CCR5AS: variants seen among roughly 807,000 people sequenced by gnomAD.
CCR5AS encodes the protein CCR5 antisense RNA.
At chr3:46,381,593 TA>T (rs1701817587) in intron 2 of CCR5AS, among the ~76,000 whole-genome samples, 1 of 152,180 alleles carries the variant, frequency 6.6e-6, no homozygotes, top group Admixed American at 6.5e-5. Context: ...TAATTAAGAT[TA>T]AAAATAAGAA....
intron 3 of CCR5AS, among the ~76,000 whole-genome samples, chr3:46,365,641 C>T (rs1701592088): frequency 6.6e-6 from 1 of 152,194 alleles, no homozygotes; most frequent in South Asian, 2.1e-4. Context: ...CAAGATGCCC[C>T]AGAGTGGCAG....
intron 1 of CCR5AS, among the ~76,000 whole-genome samples, chr3:46,393,470 AGAAAAG>A (rs1701933143): frequency 7.2e-6 from 1 of 139,256 alleles, no homozygotes; most frequent in African/African-American, 2.8e-5. Flanking sequence ...CAAAAAAAAA[AGAAAAG>A]AAAAGAAAAG....
At chr3:46,383,844 G>A (rs1157482703) in intron 2 of CCR5AS, among the ~76,000 whole-genome samples, 1 of 152,176 alleles carries the variant, frequency 6.6e-6, no homozygotes, top group Non-Finnish European at 1.5e-5. Context: ...ATTGAAGGAG[G>A]GCCAGCTATG....
chr3:46,392,487 G>A (rs1701921873), intron 2 of CCR5AS, among the ~76,000 whole-genome samples: 2 of 152,292 alleles, frequency 1.3e-5, no homozygotes, highest in South Asian at 4.2e-4. Context: ...GAGGTGAGCA[G>A]CCCTGGGCTG....
At chr3:46,373,357 C>T (rs1265860052) in intron 2 of CCR5AS, 2 of 1,614,178 alleles carry the variant, frequency 1.2e-6, no homozygotes. Context: ...AGTGTGATCA[C>T]TTGGGTGGTG....
At chr3:46,382,679 C>A (rs1288528715) in intron 2 of CCR5AS, among the ~76,000 whole-genome samples, 4 of 152,168 alleles carry the variant, frequency 2.6e-5, no homozygotes, top group Admixed American at 2.6e-4. Context: ...TGGTAGCCAC[C>A]AGGCCAGGGT....
intron 2 of CCR5AS, among the ~76,000 whole-genome samples, chr3:46,382,977 T>A (rs1306233121): frequency 6.6e-6 from 1 of 152,188 alleles, no homozygotes; most frequent in African/African-American, 2.4e-5. Context: ...CTTAACACAG[T>A]GCCTGGCACA....
At chr3:46,376,856 T>A (rs970566709) in intron 2 of CCR5AS, among the ~76,000 whole-genome samples, 5 of 152,140 alleles carry the variant, frequency 3.3e-5, no homozygotes, top group African/African-American at 1.2e-4. Context: ...CCAGCACAGG[T>A]CATGGGCAGC....
intron 2 of CCR5AS, chr3:46,376,075 C>T (rs1701754137): frequency 6.0e-6 from 1 of 167,066 alleles, no homozygotes; most frequent in Admixed American, 6.5e-5. Context: ...GCAACAGTAG[C>T]ATAGGACCCT....
At chr3:46,387,447 G>GACACAAAGTCCCCACTTAT (rs1316892208) in intron 2 of CCR5AS, among the ~76,000 whole-genome samples, 5 of 152,160 alleles carry the variant, frequency 3.3e-5, no homozygotes, top group Non-Finnish European at 7.3e-5. Flanking sequence ...AAGTAACATG[G>GACACAAAGTCCCCACTTAT]ACACAAAGTC....
intron 2 of CCR5AS, chr3:46,375,611 T>C: frequency 6.4e-6 from 1 of 157,140 alleles, no homozygotes. Context: ...CCTTGAGCCT[T>C]AAAACCCACA....
chr3:46,375,518 C>A (rs1376559446), intron 2 of CCR5AS: 1 of 166,930 alleles, frequency 6.0e-6, no homozygotes, highest in Non-Finnish European at 1.5e-5. Context: ...CTGCCCAGTG[C>A]ACACAAGTGT....
At chr3:46,366,162 C>T (rs1191127425) in intron 3 of CCR5AS, among the ~76,000 whole-genome samples, 1 of 152,182 alleles carries the variant, frequency 6.6e-6, no homozygotes, top group African/African-American at 2.4e-5. Flanking sequence ...AGGGCTGGTG[C>T]TGTCATCTTC....
At chr3:46,373,220 G>C in intron 2 of CCR5AS, 1 of 1,614,132 alleles carries the variant, frequency 6.2e-7, no homozygotes, top group Middle Eastern at 1.6e-4. Flanking sequence ...TCTTGACAGG[G>C]CTCTATTTTA....
chr3:46,391,900 A>G (rs1701917528), intron 2 of CCR5AS, among the ~76,000 whole-genome samples: 1 of 152,144 alleles, frequency 6.6e-6, no homozygotes. Flanking sequence ...TGGGGTGGAG[A>G]CTGAAGGAAC....
chr3:46,397,070 G>T (rs566056267), intron 1 of CCR5AS, among the ~76,000 whole-genome samples: 2 of 152,204 alleles, frequency 1.3e-5, no homozygotes, highest in Non-Finnish European at 2.9e-5. Context: ...AAGGAGGAGT[G>T]GGGGCAAGAG....
intron 1 of CCR5AS, among the ~76,000 whole-genome samples, chr3:46,404,626 C>G (rs1262819701): frequency 6.6e-6 from 1 of 152,026 alleles, no homozygotes; most frequent in East Asian, 1.9e-4. Context: ...GCATGAGCCA[C>G]CACAGCCAGC....
intron 2 of CCR5AS, among the ~76,000 whole-genome samples, chr3:46,392,117 G>T (rs1337339476): frequency 6.6e-6 from 1 of 152,206 alleles, no homozygotes; most frequent in African/African-American, 2.4e-5. Flanking sequence ...TTGTATTGGG[G>T]CCAAGCAGTA....
chr3:46,401,738 G>A (rs534495427), intron 1 of CCR5AS, among the ~76,000 whole-genome samples: 3 of 151,016 alleles, frequency 2.0e-5, no homozygotes, highest in Admixed American at 1.3e-4. Flanking sequence ...AGACCACACA[G>A]TAATATTTAT....
Sources: gnomAD v4.1 joint callset for allele counts (sites outside exome capture counted in the v4.1 genomes callset) on GRCh38, gnomAD v4.1.1 for gene constraint, MANE v1.5 for transcripts, NCBI Gene and HGNC (gene_info 2026-07-23, HGNC 2026-07-21) for gene names.